Variants in AMPD3 observed in about 807,000 individuals in gnomAD.
AMPD3 encodes the protein adenosine monophosphate deaminase 3.
AMPD3 carries 57 observed loss-of-function variants against 82.3 expected under a neutral mutation model. The ratio of observed to expected loss-of-function variants is 0.69; its 90% confidence interval spans 0.56 to 0.86. AMPD3 has a LOEUF of 0.86. Ranked by LOEUF, AMPD3 falls within the 40% of genes least tolerant of loss-of-function variation. The pLI is 0.00. For synonymous variants in AMPD3, 381 were observed against 394.7 expected (o/e 0.97, Z 0.41); for missense variants, 870 against 1,003.8 (o/e 0.87, Z 1.80).
intron 10 of AMPD3, chr11:10,497,562 G>T (rs1490331468): frequency 3.1e-5 from 31 of 985,334 alleles, no homozygotes; most frequent in Non-Finnish European, 3.6e-5. Flanking sequence ...CTTTCTACAG[G>T]GAGAGGCACA....
intron 6 of AMPD3, among the ~76,000 whole-genome samples, chr11:10,492,580 A>T (rs976644274): frequency 3.9e-5 from 6 of 152,132 alleles, no homozygotes; most frequent in Admixed American, 6.5e-5. Flanking sequence ...GTACCTGTTA[A>T]TTTGTTCATT....
At position 10,497,136 on chromosome 11, in the gene AMPD3, G is replaced by T. The variant is rs1849429008; in HGVS notation, c.1557+198G>T. Among the ~76,000 whole-genome samples the T allele has an allele frequency of 2.0e-5, 3 of 152,156 alleles. No homozygotes were observed. The South Asian group carries it at 6.2e-4, about 32-fold the overall frequency. ...CTTCTCCTCAGGGGCAGCTCTGGGA[G>T]TCAGTGGGTGTGGGGGGATGGGGGT... On this transcript the variant is annotated intron_variant, in intron 10 of 14. Transcript: ENST00000396553.
rs75714736 is a variant in AMPD3 at position 10,461,254 on chromosome 11, A to G, written c.-5-261A>G. 1.2e-3 allele frequency: 1,702 copies of G among 1,366,052 alleles called. 20 individuals carry two copies. In the African/African-American group the frequency reaches 0.022, roughly 18 times the overall value. 84.6% of individuals were successfully genotyped at this position (1,366,052 alleles called of 1,614,324 possible). On this transcript the variant is annotated intron_variant, in intron 1 of 14. Transcript: ENST00000396553. ...GATTCCCTGAGTTTGGGAAAATGGA[A>G]GCCCACCTAGTTGAACAGTTCATTC...
intron 3 of AMPD3, chr11:10,481,542 T>C (rs977273060): frequency 1.2e-4 from 113 of 979,742 alleles, no homozygotes; most frequent in Non-Finnish European, 1.3e-4. Flanking sequence ...CCACTCCAGG[T>C]TGGATGATTC....
upstream of AMPD3, among the ~76,000 whole-genome samples, chr11:10,454,650 G>C (rs541020440): frequency 2.6e-4 from 39 of 152,248 alleles, no homozygotes; most frequent in Non-Finnish European, 5.0e-4. Flanking sequence ...TTTAGACTAA[G>C]GCTAGCTGGG....
In AMPD3 at chr11:10,478,629, A is replaced by T. The variant is rs774974291; in HGVS notation, c.325A>T (p.Thr109Ser). The change falls in exon 3 of 15, where the codon ACA becomes TCA. Residue 109 changes from threonine to serine, a missense_variant. Transcript: ENST00000396553. ...PPAASPAMSP[T>S]TPVVTGATSL... ...GGCAGCCAGTCCGGCCATGTCTCCC[A>T]CAACCCCTGTGGTCACTGGAGCCAC... 1 of 1,614,210 alleles carries T rather than the reference A, an allele frequency of 6.2e-7. No individual in the cohort carries two copies.
At chr11:10,478,209 G>A (rs56975454) in intron 2 of AMPD3, 90,573 of 985,240 alleles carry the variant, frequency 0.092, 4,432 homozygotes, top group African/African-American at 0.17. Context: ...TGTGGTTTTA[G>A]AGCCCCTGCC....
chr11:10,501,553 C>T lies in AMPD3; in HGVS notation c.1805C>T (p.Thr602Ile), dbSNP rs776681572. 6.8e-6 allele frequency: 11 copies of T among 1,614,194 alleles called. No individual in the cohort carries two copies. Among genetic ancestry groups the T allele is most frequent in the South Asian group, 1.1e-5 (1 of 91,086 alleles). Reference protein sequence around the residue: ...SITHLVSAFLTADNISHGLLL... With the variant: ...SITHLVSAFLIADNISHGLLL... ...ACCCACCTGGTGTCTGCCTTCCTCA[C>T]TGCTGACAACATTTCCCACGGGCTG... is the stretch of plus-strand genomic sequence containing the variant. The change falls in exon 12 of 15, where the codon ACT becomes ATT. Residue 602 changes from threonine (T) to isoleucine (I), a missense_variant. By Grantham distance (89) the Thr-to-Ile change is moderately conservative. Coordinates refer to ENST00000396553, the MANE Select transcript of AMPD3 (RefSeq NM_001025389.2).
chr11:10,483,537 T>A (rs1564848122), intron 4 of AMPD3, among the ~76,000 whole-genome samples: 1 of 152,198 alleles, frequency 6.6e-6, no homozygotes, highest in Non-Finnish European at 1.5e-5. Context: ...CTGTCAAATG[T>A]GTACTTTACA....
At chr11:10,495,480 G>T in intron 8 of AMPD3, 90 bp from the exon 9 acceptor site, 2 of 1,604,604 alleles carry the variant, frequency 1.2e-6, no homozygotes. Context: ...GGTGGCTGGG[G>T]GAGCAACAGG....
intron 7 of AMPD3, 54 bp downstream of exon 7, chr11:10,493,597 C>T (rs1314238496): frequency 6.3e-6 from 10 of 1,589,680 alleles, no homozygotes; most frequent in African/African-American, 2.7e-5. Flanking sequence ...TGGCTGGGGA[C>T]TCAGCCCCCT....
intron 11 of AMPD3, 102 bp downstream of exon 11, chr11:10,500,351 T>C: frequency 6.8e-7 from 1 of 1,470,850 alleles, no homozygotes; most frequent in South Asian, 1.2e-5. Flanking sequence ...TGTGTCCGTG[T>C]GCACCTGAAC....
At chr11:10,468,187 C>T (rs563139787) in intron 2 of AMPD3, among the ~76,000 whole-genome samples, 7 of 152,228 alleles carry the variant, frequency 4.6e-5, no homozygotes, top group African/African-American at 9.6e-5. Flanking sequence ...TAAATGTAAA[C>T]GGGCTAAATG....
chr11:10,493,319 A>G, intron 6 of AMPD3, 30 bp from the exon 7 acceptor site: 1 of 1,613,446 alleles, frequency 6.2e-7, no homozygotes, highest in Non-Finnish European at 8.5e-7. Flanking sequence ...AGGTGGCCTG[A>G]CTCAGGGCCT....
chr11:10,457,849 T>C (rs1329865980), intron 1 of AMPD3, among the ~76,000 whole-genome samples: 1 of 152,166 alleles, frequency 6.6e-6, no homozygotes, highest in African/African-American at 2.4e-5. Flanking sequence ...AAGCTGTGAT[T>C]GTGCCACTGC....
At chr11:10,452,950 G>C (rs61264398), upstream of AMPD3, among the ~76,000 whole-genome samples, 8 of 151,852 alleles carry the variant, frequency 5.3e-5, no homozygotes, top group African/African-American at 1.7e-4. Context: ...AGTTTTTTTT[G>C]TTGTTGTTTG....
chr11:10,469,841 C>T (rs1328708761), intron 2 of AMPD3, among the ~76,000 whole-genome samples: 3 of 152,028 alleles, frequency 2.0e-5, no homozygotes, highest in South Asian at 4.1e-4. Flanking sequence ...AGATCGAGAC[C>T]ATCCCGGCTA....
Position 10,478,673 on chromosome 11 carries a change from A to G in AMPD3, c.369A>G (p.Ala123=). 1 of 1,614,108 alleles carries G rather than the reference A, an allele frequency of 6.2e-7. No individual in the cohort carries two copies. The highest frequency in any genetic ancestry group is 1.7e-5 in the Admixed American group (1 of 60,030). ...GAGCCACTTCCCTGCCCACGCCAGC[A>G]CCCTATGCCATGCCTGAGTTCCAGC... is the stretch of plus-strand genomic sequence containing the variant. ...VTGATSLPTP[A]PYAMPEFQRV... is the part of the protein sequence containing the mutation. Residue 123 remains alanine, a synonymous_variant, in exon 3 of 15, where the codon GCA becomes GCG. Transcript: ENST00000396553.
chr11:10,453,249 C>G (rs956796061), upstream of AMPD3, among the ~76,000 whole-genome samples: 1 of 152,258 alleles, frequency 6.6e-6, no homozygotes, highest in Non-Finnish European at 1.5e-5. Context: ...CCACACTCAG[C>G]CTGAGTCTAC....
Sources: allele counts gnomAD v4.1 joint callset (sites outside exome capture counted in the v4.1 genomes callset), GRCh38; gene constraint gnomAD v4.1.1; transcripts MANE v1.5; gene names NCBI Gene and HGNC (gene_info 2026-07-23, HGNC 2026-07-21).